The following C13orf42 variants were observed in gnomAD, a reference collection of about 807,000 sequenced individuals.
The protein encoded by C13orf42 is uncharacterized protein C13orf42.
chr13:51,144,058 C>T (rs1953717463), intron 1 of C13orf42, among the ~76,000 whole-genome samples: 1 of 151,886 alleles, frequency 6.6e-6, no homozygotes, highest in Non-Finnish European at 1.5e-5. Context: ...TCCCTTAAAA[C>T]TTTTTTTTCA....
At chr13:51,148,008 C>T (rs1953751941) in intron 1 of C13orf42, among the ~76,000 whole-genome samples, 1 of 152,156 alleles carries the variant, frequency 6.6e-6, no homozygotes, top group Admixed American at 6.5e-5. Context: ...ATCATAGGGT[C>T]CCTGGGCTCT....
intron 1 of C13orf42, among the ~76,000 whole-genome samples, chr13:51,153,151 C>G (rs1037094473): frequency 6.6e-6 from 1 of 152,176 alleles, no homozygotes; most frequent in African/African-American, 2.4e-5. Flanking sequence ...GACTTGGAGC[C>G]TCAGCTCCTG....
At chr13:51,134,641 A>G (rs991624616) in intron 1 of C13orf42, among the ~76,000 whole-genome samples, 25 of 152,242 alleles carry the variant, frequency 1.6e-4, no homozygotes, top group African/African-American at 5.8e-4. Context: ...GATCACCAGC[A>G]TCAAAAACCT....
At chr13:51,121,284 G>A (rs867729866) in intron 1 of C13orf42, among the ~76,000 whole-genome samples, 24 of 152,200 alleles carry the variant, frequency 1.6e-4, no homozygotes, top group African/African-American at 4.8e-4. Context: ...CCTCACTGGC[G>A]ACCAAAGACA....
intron 1 of C13orf42, among the ~76,000 whole-genome samples, chr13:51,136,906 C>T (rs1953661995): frequency 6.6e-6 from 1 of 152,194 alleles, no homozygotes; most frequent in Admixed American, 6.5e-5. Context: ...TGGCCCAGCT[C>T]TCATAAAACT....
intron 1 of C13orf42, among the ~76,000 whole-genome samples, chr13:51,143,472 CTT>C (rs1027621396): frequency 2.4e-5 from 2 of 82,094 alleles, no homozygotes; most frequent in African/African-American, 1.0e-4. Context: ...TTATAAAAGA[CTT>C]ATGGAAGTTA....
intron 1 of C13orf42, among the ~76,000 whole-genome samples, chr13:51,096,321 T>C (rs1953234167): frequency 6.6e-6 from 1 of 152,114 alleles, no homozygotes; most frequent in Admixed American, 6.6e-5. Flanking sequence ...CATTCACTGT[T>C]TTCTGATAAA....
At chr13:51,124,503 A>C (rs4941683) in intron 1 of C13orf42, among the ~76,000 whole-genome samples, 48,765 of 152,038 alleles carry the variant, frequency 0.32, 7,780 homozygotes, top group South Asian at 0.37. Context: ...TCAGCTTTTC[A>C]TCACTTTCAT....
chr13:51,102,893 G>A (rs570304523), intron 1 of C13orf42, among the ~76,000 whole-genome samples: 6 of 152,286 alleles, frequency 3.9e-5, no homozygotes, highest in East Asian at 1.9e-4. Flanking sequence ...AAGAGCAAGC[G>A]AGAGAGGAAG....
chr13:51,172,293 C>G (rs975099781), exon 1 of C13orf42: 8 of 152,216 alleles, frequency 5.3e-5, no homozygotes, highest in Non-Finnish European at 8.8e-5. Flanking sequence ...CTGGCCCAAG[C>G]CTCTCTGACT....
intron 1 of C13orf42, chr13:51,162,314 T>C (rs1220164330): frequency 5.4e-6 from 1 of 186,190 alleles, no homozygotes; most frequent in African/African-American, 2.4e-5. Flanking sequence ...GTAGGCCTTA[T>C]ACTTGACAAC....
intron 1 of C13orf42, among the ~76,000 whole-genome samples, chr13:51,108,690 C>T (rs549686596): frequency 1.3e-5 from 2 of 152,322 alleles, no homozygotes; most frequent in Admixed American, 1.3e-4. Flanking sequence ...TACTACCTGA[C>T]AGAAAAACAG....
At chr13:51,095,188 G>A (rs1389636659) in intron 1 of C13orf42, among the ~76,000 whole-genome samples, 1 of 152,126 alleles carries the variant, frequency 6.6e-6, no homozygotes, top group Non-Finnish European at 1.5e-5. Flanking sequence ...TTCCTGGCTT[G>A]CATCATCTCT....
At chr13:51,092,888 C>T (rs375806475) in intron 1 of C13orf42, among the ~76,000 whole-genome samples, 2 of 152,090 alleles carry the variant, frequency 1.3e-5, no homozygotes, top group African/African-American at 4.8e-5. Flanking sequence ...ACAACCATCA[C>T]CTTTCTGCCA....
At chr13:51,169,538 G>A (rs1011165100) in intron 1 of C13orf42, among the ~76,000 whole-genome samples, 6 of 152,202 alleles carry the variant, frequency 3.9e-5, no homozygotes, top group African/African-American at 1.4e-4. Context: ...GCATTTCAGA[G>A]GTCTTTGCAG....
chr13:51,111,770 C>T (rs528052060), upstream of C13orf42, among the ~76,000 whole-genome samples: 2 of 152,144 alleles, frequency 1.3e-5, no homozygotes, highest in Non-Finnish European at 2.9e-5. Context: ...AAAATCTAGT[C>T]CCCCGAGATG....
intron 1 of C13orf42, among the ~76,000 whole-genome samples, chr13:51,165,446 C>G (rs1373842521): frequency 6.6e-6 from 1 of 152,158 alleles, no homozygotes; most frequent in Non-Finnish European, 1.5e-5. Flanking sequence ...GGGGCCCTGA[C>G]TAATGCAGGA....
intron 1 of C13orf42, among the ~76,000 whole-genome samples, chr13:51,154,834 C>T (rs73488032): frequency 3.9e-5 from 6 of 152,202 alleles, no homozygotes; most frequent in East Asian, 3.9e-4. Context: ...GCACATTCGA[C>T]GGTTTCTTGT....
At chr13:51,115,439 G>T (rs1040021363), upstream of C13orf42, among the ~76,000 whole-genome samples, 3 of 152,184 alleles carry the variant, frequency 2.0e-5, no homozygotes, top group Non-Finnish European at 4.4e-5. Flanking sequence ...CTACAGTTGG[G>T]GACGTTGCCT....
Sources: allele counts gnomAD v4.1 joint callset (sites outside exome capture counted in the v4.1 genomes callset), GRCh38; gene constraint gnomAD v4.1.1; transcripts MANE v1.5; gene names NCBI Gene and HGNC (gene_info 2026-07-23, HGNC 2026-07-21).